PRMT9: variants seen among roughly 807,000 people sequenced by gnomAD.
PRMT9 encodes protein arginine methyltransferase 9, also known as protein arginine N-methyltransferase 9.
In PRMT9, 59 loss-of-function variants were observed where a neutral mutation model predicts 83.2. That is an observed-to-expected ratio of 0.71 (90% CI 0.57 to 0.88). The LOEUF is 0.88. Ranked by LOEUF, PRMT9 falls within the 40% of genes least tolerant of loss-of-function variation. PRMT9 has a pLI of 0.00. For missense variants in PRMT9, 947 were observed against 1,021.9 expected, an observed-to-expected ratio of 0.93 and a Z score of 1.00; for synonymous variants, 333 against 353.2, an observed-to-expected ratio of 0.94 and a Z score of 0.64.
chr4:147,679,187 T>C (rs1736292962), intron 2 of PRMT9, among the ~76,000 whole-genome samples: 1 of 152,196 alleles, frequency 6.6e-6, no homozygotes, highest in African/African-American at 2.4e-5. Context: ...ATCCCAGTGC[T>C]TTGGGAGGCC....
chr4:147,665,343 C>T (rs911399858), intron 6 of PRMT9, among the ~76,000 whole-genome samples: 3 of 152,082 alleles, frequency 2.0e-5, no homozygotes, highest in Non-Finnish European at 2.9e-5. Flanking sequence ...ACTGTAAGGA[C>T]GAGCTGTACT....
chr4:147,683,729 TTTTC>T (rs1347293185), intron 1 of PRMT9, 66 bp downstream of exon 1: 1 of 1,356,046 alleles, frequency 7.4e-7, no homozygotes, highest in Non-Finnish European at 1.0e-6. Flanking sequence ...GCTTTTTTTT[TTTTC>T]TGTTTTTTTT....
chr4:147,683,419 G>A (rs1736631760), intron 1 of PRMT9, among the ~76,000 whole-genome samples: 2 of 152,210 alleles, frequency 1.3e-5, no homozygotes, highest in African/African-American at 4.8e-5. Flanking sequence ...ACAGCCGGCA[G>A]ATGACTGAAG....
At position 147,683,882 on chromosome 4, in the gene PRMT9, G is replaced by A. The variant is rs778985021; in HGVS notation, c.106C>T (p.Leu36=). ...GCAGTGCCGAAGTCCTGGACGCCCAGACAGTGCTCTGCGCTCTGCAAGGAC... is the reference window on the plus strand; with the variant it reads ...GCAGTGCCGAAGTCCTGGACGCCCAAACAGTGCTCTGCGCTCTGCAAGGAC... ...SRSLQSAEHC[L]GVQDFGTAYA... Residue 36 remains leucine (L), a synonymous_variant, in exon 1 of 12, where the codon CTG becomes TTG. Coordinates refer to ENST00000322396, the MANE Select transcript of PRMT9 (RefSeq NM_138364.4). 1.1e-5 allele frequency: 18 copies of A among 1,613,508 alleles called. No homozygotes were observed. The Admixed American group carries it at 2.8e-4, about 25-fold the overall frequency.
intron 9 of PRMT9, among the ~76,000 whole-genome samples, chr4:147,645,906 A>G (rs1189057369): frequency 6.6e-6 from 1 of 152,230 alleles, no homozygotes; most frequent in Non-Finnish European, 1.5e-5. Context: ...ATGTAACGAC[A>G]TGATCCTTCT....
intron 9 of PRMT9, among the ~76,000 whole-genome samples, chr4:147,651,940 ATGAC>A (rs1263223429): frequency 3.3e-5 from 5 of 152,218 alleles, no homozygotes; most frequent in Admixed American, 3.3e-4. Flanking sequence ...GAAGTGAAAA[ATGAC>A]TGACTAAATT....
intron 9 of PRMT9, among the ~76,000 whole-genome samples, chr4:147,647,594 C>G (rs1733812977): frequency 6.6e-6 from 1 of 151,660 alleles, no homozygotes; most frequent in African/African-American, 2.4e-5. Flanking sequence ...ACAATCTCAG[C>G]TCACTGCAAC....
chr4:147,649,151 AGAGAGAGAGAGAGAGAAGAGGGG>A (rs1179895582), intron 9 of PRMT9, among the ~76,000 whole-genome samples: 1 of 146,554 alleles, frequency 6.8e-6, no homozygotes, highest in Non-Finnish European at 1.5e-5. Context: ...GGCAGAGGGC[AGAGAGAGAGAGAGAGAAGAGGGG>A]GAGAGAGAGA....
rs538532267 is a variant in PRMT9 at position 147,683,611 on chromosome 4, CTTTT to C, written c.189+184_189+187del. ...CAACCAAGCACCCTAGCCCCTCCGC[CTTTT>C]TTCTTTTCTTTTTTTTTACGAGGAC... On this transcript the variant is annotated intron_variant, in intron 1 of 11. Transcript: ENST00000322396. 4.0e-3 allele frequency among the ~76,000 whole-genome samples: 600 copies of C among 150,962 alleles called. 8 individuals carry two copies. Among genetic ancestry groups the C allele is most frequent in the African/African-American group, 0.014 (575 of 41,100 alleles).
chr4:147,663,107 C>G (rs1334036385), intron 6 of PRMT9, among the ~76,000 whole-genome samples: 1 of 150,002 alleles, frequency 6.7e-6, no homozygotes, highest in African/African-American at 2.5e-5. Context: ...CTCCCCAGTT[C>G]ACGCCATTCT....
intron 9 of PRMT9, among the ~76,000 whole-genome samples, chr4:147,652,732 CAA>C (rs11345617): frequency 8.7e-4 from 121 of 138,510 alleles, no homozygotes; most frequent in South Asian, 2.3e-3. Context: ...AACGAAAAAA[CAA>C]AAAAAAAAAA....
rs1578894688 is a variant in PRMT9 at position 147,654,296 on chromosome 4, T to A, written c.1601A>T (p.His534Leu). Residue 534 changes from histidine to leucine, a missense_variant, in exon 9 of 12, where the codon CAT (histidine) becomes CTT (leucine). Physicochemically the swap from His to Leu is moderately conservative, Grantham distance 99. Coordinates refer to ENST00000322396, the MANE Select transcript of PRMT9 (RefSeq NM_138364.4). Reference protein sequence around the residue: ...EIALLNNIPYHEGFKMAMSKV... With the variant: ...EIALLNNIPYLEGFKMAMSKV... ...GCTCATTGCCATTTTAAAGCCTTCA[T>A]GATATGGGATGTTGTTAAGCAAAGC... The A allele has an allele frequency of 1.2e-6, 2 of 1,614,106 alleles. No homozygotes were observed. The highest frequency in any genetic ancestry group is 3.3e-5 in the Admixed American group (2 of 60,012).
Position 147,684,075 on chromosome 4 carries a change from C to T in PRMT9, c.-88G>A. On this transcript the variant is annotated 5_prime_UTR_variant, in exon 1 of 12. Transcript: ENST00000322396. ...CGATGCTACACTTCCAGGGACCAGA[C>T]AACTGCTCAAAAAACAGCACAGCAA... is the stretch of plus-strand genomic sequence containing the variant. 2.1e-6 allele frequency: 3 copies of T among 1,399,076 alleles called. No homozygotes were observed. The highest frequency in any genetic ancestry group is 3.0e-6 in the Non-Finnish European group (3 of 1,014,832). The allele number at this position is 1,399,076 out of a possible 1,614,324, so 86.7% of individuals were successfully genotyped here.
At position 147,660,841 on chromosome 4, in the gene PRMT9, T is replaced by C; in HGVS notation, c.1146+5A>G. The C allele has an allele frequency of 1.2e-6, 2 of 1,603,162 alleles. No homozygotes were observed. Among genetic ancestry groups the C allele is most frequent in the Non-Finnish European group, 1.7e-6 (2 of 1,170,220 alleles). ...GCTTGAAAATAGTAACTGAATTTTT[T>C]TCACCTGAAGGTTGTTGAAATCTAC... is the stretch of plus-strand genomic sequence containing the variant. On this transcript the variant is annotated splice_donor_5th_base_variant and intron_variant, in intron 7 of 11. Coordinates refer to ENST00000322396, the MANE Select transcript of PRMT9 (RefSeq NM_138364.4).
chr4:147,649,652 G>A (rs143050563), intron 9 of PRMT9, among the ~76,000 whole-genome samples: 31 of 152,206 alleles, frequency 2.0e-4, no homozygotes, highest in Middle Eastern at 3.4e-3. Context: ...ACAGGCATGC[G>A]CCACCACGCT....
At chr4:147,661,186 C>A in intron 6 of PRMT9, 148 bp from the exon 7 acceptor site, 1 of 629,350 alleles carries the variant, frequency 1.6e-6, no homozygotes, top group Non-Finnish European at 2.8e-6. Context: ...ATAATACACA[C>A]ACATATAAAA....
At chr4:147,672,912 T>G (rs1288253682) in intron 4 of PRMT9, 47 bp downstream of exon 4, 1 of 1,536,056 alleles carries the variant, frequency 6.5e-7, no homozygotes, top group South Asian at 1.1e-5. Flanking sequence ...CTTAGTTTTT[T>G]AAAAATAGAG....
chr4:147,655,324 A>G (rs1374431375), intron 8 of PRMT9, among the ~76,000 whole-genome samples: 2 of 149,564 alleles, frequency 1.3e-5, no homozygotes, highest in East Asian at 3.9e-4. Flanking sequence ...CACCAGGCCC[A>G]GCTATTTTTT....
intron 9 of PRMT9, among the ~76,000 whole-genome samples, chr4:147,649,174 G>A (rs546942313): frequency 2.6e-5 from 4 of 151,464 alleles, no homozygotes; most frequent in Admixed American, 6.6e-5. Flanking sequence ...GAGAAGAGGG[G>A]GAGAGAGAGA....
Sources: gnomAD v4.1 joint callset for allele counts (sites outside exome capture counted in the v4.1 genomes callset) on GRCh38, gnomAD v4.1.1 for gene constraint, MANE v1.5 for transcripts, NCBI Gene and HGNC (gene_info 2026-07-23, HGNC 2026-07-21) for gene names.